The following UNC79 variants were observed in gnomAD, a reference collection of about 807,000 sequenced individuals.
The protein encoded by UNC79 is protein unc-79 homolog.
A neutral mutation model predicts 283.1 loss-of-function variants in UNC79; 37 were observed. That is an observed-to-expected ratio of 0.13 (90% confidence interval 0.10 to 0.17). The LOEUF is 0.17. UNC79 is among the 10% of genes least tolerant of loss of function. The pLI, the probability that UNC79 is intolerant of heterozygous loss-of-function variation, is 1.00. For synonymous variants in UNC79, 1,107 were observed against 1,200.2 expected (o/e 0.92, Z 1.61); for missense variants, 2,272 against 3,211.1 (o/e 0.71, Z 7.07).
intron 20 of UNC79, among the ~76,000 whole-genome samples, chr14:93,585,289 C>A (rs1307004369): frequency 6.6e-6 from 1 of 152,162 alleles, no homozygotes; most frequent in African/African-American, 2.4e-5. Context: ...CTCTCTCCTG[C>A]TTCTGCTCTG....
At chr14:93,405,984 T>C (rs1157022582) in intron 1 of UNC79, among the ~76,000 whole-genome samples, 1 of 152,188 alleles carries the variant, frequency 6.6e-6, no homozygotes, top group African/African-American at 2.4e-5. Context: ...TGATCTTTAA[T>C]GCTGAGCTGG....
At chr14:93,348,385 G>A (rs1187780043) in intron 1 of UNC79, 1 of 368,110 alleles carries the variant, frequency 2.7e-6, no homozygotes, top group African/African-American at 2.1e-5. Flanking sequence ...TCTAAACATC[G>A]TGAAAGCTGA....
At chr14:93,476,111 G>A (rs113917187) in intron 3 of UNC79, among the ~76,000 whole-genome samples, 63 of 152,240 alleles carry the variant, frequency 4.1e-4, no homozygotes, top group African/African-American at 1.5e-3. Flanking sequence ...TCACTGAGAG[G>A]TGGGGCCTGA....
At chr14:93,370,136 A>C (rs2054412590) in intron 1 of UNC79, among the ~76,000 whole-genome samples, 1 of 152,178 alleles carries the variant, frequency 6.6e-6, no homozygotes, top group Admixed American at 6.5e-5. Flanking sequence ...TTTACCTGGC[A>C]CACGATATCC....
chr14:93,419,995 G>C (rs1054522345), intron 1 of UNC79, among the ~76,000 whole-genome samples: 1 of 150,660 alleles, frequency 6.6e-6, no homozygotes, highest in East Asian at 1.9e-4. Context: ...TAAGTAAATC[G>C]TACCACCAGA....
At chr14:93,562,396 G>C (rs926601022) in intron 14 of UNC79, among the ~76,000 whole-genome samples, 1 of 152,214 alleles carries the variant, frequency 6.6e-6, no homozygotes, top group African/African-American at 2.4e-5. Flanking sequence ...GAGGACTGCT[G>C]TCTGGGACGA....
At chr14:93,421,263 GA>G (rs546790843) in intron 1 of UNC79, among the ~76,000 whole-genome samples, 45 of 151,720 alleles carry the variant, frequency 3.0e-4, no homozygotes, top group African/African-American at 1.1e-3. Context: ...GATGAAAATG[GA>G]GACATTACAA....
At chr14:93,551,392 G>A (rs757842878) in intron 14 of UNC79, among the ~76,000 whole-genome samples, 14 of 152,166 alleles carry the variant, frequency 9.2e-5, no homozygotes, top group Non-Finnish European at 1.8e-4. Flanking sequence ...TGACATCGGC[G>A]GTAGAGTATA....
At chr14:93,526,821 T>G (rs1308630260) in intron 8 of UNC79, among the ~76,000 whole-genome samples, 1 of 152,186 alleles carries the variant, frequency 6.6e-6, no homozygotes, top group Admixed American at 6.5e-5. Context: ...TGAAAAAGTA[T>G]CTTTACGTGA....
Position 93,690,419 on chromosome 14 carries a change from G to A in UNC79, c.7272+116G>A, listed in dbSNP as rs2074591918. 1 of 1,224,212 alleles carries A rather than the reference G, an allele frequency of 8.2e-7. No individual in the cohort carries two copies. Among genetic ancestry groups the A allele is most frequent in the African/African-American group, 1.5e-5 (1 of 65,866 alleles). 75.8% of individuals were successfully genotyped at this position (1,224,212 alleles called of 1,614,324 possible). A position where few individuals can be genotyped will look rare whatever the true frequency, so the allele number is the denominator to read the frequency against. On this transcript the variant is annotated intron_variant, in intron 45 of 48. Coordinates refer to ENST00000555664, the Ensembl canonical transcript of UNC79. The surrounding 1 kb of genome is among the most constrained non-coding windows in gnomAD (Gnocchi z 4.3). Reference sequence around the variant, plus strand: ...ACATCTTATCATTTGCCCTCCTGTGGATGTTAGAAACACAACTTTGTGCTA... The same window carrying A: ...ACATCTTATCATTTGCCCTCCTGTGAATGTTAGAAACACAACTTTGTGCTA...
chr14:93,623,461 C>T (rs1389956894), intron 30 of UNC79, among the ~76,000 whole-genome samples: 2 of 152,184 alleles, frequency 1.3e-5, no homozygotes, highest in African/African-American at 4.8e-5. Context: ...CTTGTGTTTG[C>T]TTGGAGGCAT....
intron 1 of UNC79, among the ~76,000 whole-genome samples, chr14:93,390,360 C>A (rs1379953670): frequency 6.6e-6 from 1 of 152,124 alleles, no homozygotes; most frequent in Non-Finnish European, 1.5e-5. Flanking sequence ...ATAGGAAAAT[C>A]ATTCTTAATT....
chr14:93,602,709 T>C (rs570662421), intron 25 of UNC79, among the ~76,000 whole-genome samples: 3 of 152,302 alleles, frequency 2.0e-5, no homozygotes, highest in Admixed American at 6.5e-5. Context: ...GGTGTCATCA[T>C]AGCTCACTGC....
At chr14:93,658,504 C>G (rs1204748196) in intron 38 of UNC79, among the ~76,000 whole-genome samples, 8 of 152,192 alleles carry the variant, frequency 5.3e-5, no homozygotes, top group Non-Finnish European at 8.8e-5. Flanking sequence ...GATCTATTTA[C>G]CATATCATTG....
intron 7 of UNC79, among the ~76,000 whole-genome samples, 154 bp downstream of exon 7, chr14:93,497,440 G>A (rs1567005915): frequency 6.6e-6 from 1 of 152,216 alleles, no homozygotes; most frequent in Admixed American, 6.5e-5. Flanking sequence ...GTGGTTTAAA[G>A]ATGAATTAAT....
At position 93,695,890 on chromosome 14, in the gene UNC79, CA is replaced by C. The variant is rs535235954; in HGVS notation, c.7548+1498del. Among the ~76,000 whole-genome samples the C allele has an allele frequency of 2.6e-3, 101 of 39,442 alleles. 4 individuals are homozygous for C. The highest frequency in any genetic ancestry group is 7.4e-3 in the South Asian group (7 of 950). 25.9% of individuals were successfully genotyped at this position (39,442 alleles called of 152,430 possible). A position where few individuals can be genotyped will look rare whatever the true frequency, so the allele number is the denominator to read the frequency against. On this transcript the variant is annotated intron_variant, in intron 47 of 48. Coordinates refer to ENST00000555664, the Ensembl canonical transcript of UNC79. ...TGGGCAACAGGATGAGACTTTGTCTCAAAAAAAAAAAAAAAAAAAAGCAAAC... is the reference window on the plus strand; with the variant it reads ...TGGGCAACAGGATGAGACTTTGTCTCAAAAAAAAAAAAAAAAAAAGCAAAC...
At chr14:93,407,660 A>G (rs1258415051) in intron 1 of UNC79, among the ~76,000 whole-genome samples, 1 of 152,174 alleles carries the variant, frequency 6.6e-6, no homozygotes, top group Admixed American at 6.5e-5. Flanking sequence ...CGTCTCACAG[A>G]AATGCAGGGG....
intron 40 of UNC79, among the ~76,000 whole-genome samples, chr14:93,665,206 A>G (rs2072048905): frequency 6.7e-6 from 1 of 148,972 alleles, no homozygotes; most frequent in Non-Finnish European, 1.5e-5. Context: ...AAAATAATAT[A>G]ATAGATTTAG....
chr14:93,386,543 T>C (rs2054778328), intron 1 of UNC79, among the ~76,000 whole-genome samples: 2 of 152,230 alleles, frequency 1.3e-5, no homozygotes. Context: ...GTAGGATTGG[T>C]ATTAGTTCTT....
Sources: gnomAD v4.1 joint callset for allele counts (sites outside exome capture counted in the v4.1 genomes callset) on GRCh38, gnomAD v4.1.1 for gene constraint, Gnocchi (gnomAD v3.1) non-coding constraint, MANE v1.5 for transcripts, NCBI Gene and HGNC (gene_info 2026-07-23, HGNC 2026-07-21) for gene names.